GRM5: variants seen among roughly 807,000 people sequenced by gnomAD.
GRM5 encodes metabotropic glutamate receptor 5.
In GRM5, 19 loss-of-function variants were observed where a neutral mutation model predicts 83.1. That is an observed-to-expected ratio of 0.23 (90% CI 0.16 to 0.34). GRM5 has a LOEUF of 0.34. GRM5 is among the 10% of genes least tolerant of loss of function. The pLI, the probability that GRM5 is intolerant of heterozygous loss-of-function variation, is 1.00. For synonymous variants in GRM5, 675 were observed against 633.6 expected, an observed-to-expected ratio of 1.07 and a Z score of -0.98; for missense variants, 1,160 against 1,588.3, an observed-to-expected ratio of 0.73 and a Z score of 4.58.
intron 6 of GRM5, among the ~76,000 whole-genome samples, chr11:88,594,751 T>A (rs1362064530): frequency 6.6e-6 from 1 of 152,152 alleles, no homozygotes; most frequent in Non-Finnish European, 1.5e-5. Context: ...TCAGTTTCAG[T>A]CTTAATCACA....
intron 3 of GRM5, among the ~76,000 whole-genome samples, chr11:88,715,443 A>C (rs201562081): frequency 3.4e-5 from 5 of 147,302 alleles, no homozygotes; most frequent in Admixed American, 6.8e-5. Context: ...GAAAAAAAAA[A>C]CTATATAATT....
chr11:88,584,934 T>G (rs528932125), intron 7 of GRM5, among the ~76,000 whole-genome samples: 30 of 152,356 alleles, frequency 2.0e-4, no homozygotes, highest in Non-Finnish European at 3.7e-4. Flanking sequence ...TATGGCACTT[T>G]GGCATATTGA....
chr11:88,724,334 C>T (rs1057271798), intron 3 of GRM5, among the ~76,000 whole-genome samples: 6 of 152,072 alleles, frequency 3.9e-5, no homozygotes, highest in African/African-American at 1.2e-4. Flanking sequence ...CTCAGGAGGC[C>T]GTCGGTCCCT....
intron 3 of GRM5, among the ~76,000 whole-genome samples, chr11:88,698,622 A>G (rs986600500): frequency 6.6e-6 from 1 of 152,174 alleles, no homozygotes; most frequent in Non-Finnish European, 1.5e-5. Context: ...TGCCACCATC[A>G]AAGGGTCTGC....
chr11:89,051,305 TA>T (rs1475075953), intron 1 of GRM5, among the ~76,000 whole-genome samples: 3 of 150,812 alleles, frequency 2.0e-5, no homozygotes, highest in Non-Finnish European at 3.0e-5. Flanking sequence ...GGCAGTCACG[TA>T]AAAAATATGC....
At chr11:88,847,451 A>C (rs1335141817) in intron 3 of GRM5, among the ~76,000 whole-genome samples, 1 of 152,232 alleles carries the variant, frequency 6.6e-6, no homozygotes, top group Non-Finnish European at 1.5e-5. Flanking sequence ...AATGGTTCTG[A>C]TAAGTGGTTT....
chr11:89,014,468 T>C (rs1940798555), intron 2 of GRM5, among the ~76,000 whole-genome samples: 1 of 152,076 alleles, frequency 6.6e-6, no homozygotes. Flanking sequence ...TTTTTGCCTC[T>C]TTCAATTGAA....
At chr11:88,527,406 A>G (rs1392846742) in intron 8 of GRM5, among the ~76,000 whole-genome samples, 1 of 152,048 alleles carries the variant, frequency 6.6e-6, no homozygotes. Flanking sequence ...ACCTCTGTTT[A>G]TGAAATATGG....
intron 8 of GRM5, among the ~76,000 whole-genome samples, chr11:88,541,471 A>G (rs1253968961): frequency 6.6e-6 from 1 of 152,176 alleles, no homozygotes; most frequent in Non-Finnish European, 1.5e-5. Context: ...CACACATACA[A>G]TCACACACTT....
intron 3 of GRM5, among the ~76,000 whole-genome samples, chr11:88,693,585 A>T (rs1289548099): frequency 6.6e-6 from 1 of 152,224 alleles, no homozygotes; most frequent in Non-Finnish European, 1.5e-5. Context: ...CCCTGAAAAT[A>T]GGCAGACTTA....
At chr11:89,025,466 T>C (rs1941108359) in intron 2 of GRM5, among the ~76,000 whole-genome samples, 2 of 152,152 alleles carry the variant, frequency 1.3e-5, no homozygotes, top group Non-Finnish European at 1.5e-5. Flanking sequence ...TCTTTAATTA[T>C]AAAGGAGCAT....
At chr11:88,998,106 G>A (rs1940253152) in intron 2 of GRM5, among the ~76,000 whole-genome samples, 1 of 151,044 alleles carries the variant, frequency 6.6e-6, no homozygotes, top group African/African-American at 2.4e-5. Flanking sequence ...GAAGCGAGCA[G>A]TAAAGAAGGA....
At chr11:88,922,622 T>C (rs1191039452) in intron 2 of GRM5, among the ~76,000 whole-genome samples, 1 of 152,020 alleles carries the variant, frequency 6.6e-6, no homozygotes, top group African/African-American at 2.4e-5. Flanking sequence ...GCTACAAAAC[T>C]ACTAAAAGAA....
intron 3 of GRM5, among the ~76,000 whole-genome samples, chr11:88,794,392 G>A (rs1007866297): frequency 6.6e-6 from 1 of 152,104 alleles, no homozygotes; most frequent in African/African-American, 2.4e-5. Context: ...TATTTACCAT[G>A]GCTTAAAATT....
chr11:88,716,709 A>G (rs747981136), intron 3 of GRM5, among the ~76,000 whole-genome samples: 4 of 151,960 alleles, frequency 2.6e-5, no homozygotes, highest in African/African-American at 9.7e-5. Flanking sequence ...GGCAGGTGAC[A>G]TTAGTCTCAT....
intron 3 of GRM5, among the ~76,000 whole-genome samples, chr11:88,688,804 A>T (rs552233554): frequency 6.6e-6 from 1 of 152,168 alleles, no homozygotes; most frequent in African/African-American, 2.4e-5. Flanking sequence ...TTGTCTTTGG[A>T]TCAGAGAGAC....
At chr11:88,660,836 T>C (rs1394218737) in intron 3 of GRM5, among the ~76,000 whole-genome samples, 1 of 152,172 alleles carries the variant, frequency 6.6e-6, no homozygotes, top group African/African-American at 2.4e-5. Context: ...TGCCATTCTT[T>C]TAACTTCTCA....
chr11:88,802,240 T>A (rs896305575), intron 3 of GRM5, among the ~76,000 whole-genome samples: 3 of 152,038 alleles, frequency 2.0e-5, no homozygotes, highest in Non-Finnish European at 4.4e-5. Context: ...CCAGCTCAGC[T>A]CACAAAAATC....
At chr11:88,801,040 A>T (rs1210760842) in intron 3 of GRM5, among the ~76,000 whole-genome samples, 1 of 152,154 alleles carries the variant, frequency 6.6e-6, no homozygotes, top group East Asian at 1.9e-4. Flanking sequence ...TGTTTTATAG[A>T]AATCCAAAGT....
Sources: gnomAD v4.1 joint callset for allele counts (sites outside exome capture counted in the v4.1 genomes callset) on GRCh38, gnomAD v4.1.1 for gene constraint, MANE v1.5 for transcripts, NCBI Gene and HGNC (gene_info 2026-07-23, HGNC 2026-07-21) for gene names.